SYN2: variants seen among roughly 807,000 people sequenced by gnomAD.
SYN2 encodes the protein synapsin-2.
SYN2 carries 19 observed loss-of-function variants against 50.9 expected under a neutral mutation model. The observed-to-expected ratio is 0.37, with a 90% CI of 0.26 to 0.55. The LOEUF is 0.55. SYN2 is among the 20% of genes least tolerant of loss of function. SYN2 has a pLI of 0.81. For synonymous variants in SYN2, 255 were observed against 224.9 expected, an observed-to-expected ratio of 1.13 and a Z score of -1.20; for missense variants, 587 against 576.4, an observed-to-expected ratio of 1.02 and a Z score of -0.19.
At chr3:12,131,367 G>A (rs1696793761) in intron 1 of SYN2, among the ~76,000 whole-genome samples, 1 of 152,206 alleles carries the variant, frequency 6.6e-6, no homozygotes, top group African/African-American at 2.4e-5. Flanking sequence ...ATTCGTGACC[G>A]TACAGTGGAG....
intron 7 of SYN2, among the ~76,000 whole-genome samples, chr3:12,164,686 C>T (rs749659833): frequency 1.3e-5 from 2 of 152,148 alleles, no homozygotes; most frequent in Non-Finnish European, 2.9e-5. Flanking sequence ...AGAGAATGGC[C>T]TCTCAGTGTC....
At chr3:12,108,389 T>C (rs1452534383) in intron 1 of SYN2, among the ~76,000 whole-genome samples, 1 of 152,152 alleles carries the variant, frequency 6.6e-6, no homozygotes, top group African/African-American at 2.4e-5. Context: ...TCTGTGCTTT[T>C]CTCACTATAA....
chr3:12,118,509 C>A (rs1366247633), intron 1 of SYN2, among the ~76,000 whole-genome samples: 1 of 152,078 alleles, frequency 6.6e-6, no homozygotes, highest in East Asian at 1.9e-4. Context: ...CTGAAAGTAC[C>A]CTGTTTTGTG....
At chr3:12,065,081 G>A (rs1394444574) in intron 1 of SYN2, among the ~76,000 whole-genome samples, 1 of 152,102 alleles carries the variant, frequency 6.6e-6, no homozygotes, top group Non-Finnish European at 1.5e-5. Flanking sequence ...GATGCACCTT[G>A]GAAACGTTAT....
At chr3:12,021,826 A>G (rs1347980565) in intron 1 of SYN2, among the ~76,000 whole-genome samples, 1 of 152,052 alleles carries the variant, frequency 6.6e-6, no homozygotes, top group Non-Finnish European at 1.5e-5. Context: ...GCACTTTGGG[A>G]GGCCGAGGTG....
At chr3:12,053,353 G>A (rs944434373) in intron 1 of SYN2, among the ~76,000 whole-genome samples, 1 of 151,262 alleles carries the variant, frequency 6.6e-6, no homozygotes, top group East Asian at 1.9e-4. Flanking sequence ...CCTGGGAGGC[G>A]GAGGTTGCAG....
intron 1 of SYN2, among the ~76,000 whole-genome samples, chr3:12,106,677 T>C (rs1052879618): frequency 1.3e-5 from 2 of 152,174 alleles, no homozygotes; most frequent in Non-Finnish European, 2.9e-5. Context: ...GTATGTATCA[T>C]TGATAGTATG....
intron 1 of SYN2, among the ~76,000 whole-genome samples, chr3:12,091,748 C>T (rs896683402): frequency 1.3e-5 from 2 of 152,132 alleles, no homozygotes; most frequent in African/African-American, 2.4e-5. Flanking sequence ...AGTGGTCTAC[C>T]CCCTGTATTT....
intron 10 of SYN2, among the ~76,000 whole-genome samples, chr3:12,178,058 C>T (rs1486616298): frequency 6.6e-6 from 1 of 152,208 alleles, no homozygotes; most frequent in African/African-American, 2.4e-5. Context: ...TCAAAACATG[C>T]GGTCCCCTTT....
In SYN2 at chr3:12,182,932, G is replaced by T. The variant is rs548460515; in HGVS notation, c.1309-380G>T. On this transcript the variant is annotated intron_variant, in intron 10 of 12. Transcript: ENST00000621198. ...GCCCTCCCTTTCCTTTAGACAGCCA[G>T]GCCTGTACGTAGAAGTGGGAGCTGG... Among the ~76,000 whole-genome samples, 3 of 152,374 alleles carry T rather than the reference G, an allele frequency of 2.0e-5. No homozygotes were observed. In the South Asian group the frequency reaches 6.2e-4, roughly 32 times the overall value.
intron 4 of SYN2, among the ~76,000 whole-genome samples, chr3:12,148,937 A>G (rs915639198): frequency 1.3e-5 from 2 of 152,198 alleles, no homozygotes; most frequent in African/African-American, 4.8e-5. Context: ...AGCCCTTATC[A>G]GATGTTACAT....
chr3:12,135,126 G>A (rs1390482377), intron 1 of SYN2, among the ~76,000 whole-genome samples: 1 of 152,216 alleles, frequency 6.6e-6, no homozygotes, highest in Non-Finnish European at 1.5e-5. Context: ...TAAGCAGCTG[G>A]AGGGATACCC....
intron 10 of SYN2, among the ~76,000 whole-genome samples, 185 bp from the exon 11 acceptor site, chr3:12,183,127 A>G (rs1309061020): frequency 6.6e-6 from 1 of 152,172 alleles, no homozygotes; most frequent in African/African-American, 2.4e-5. Context: ...TGCCCCAACA[A>G]CACCCGAGGC....
At chr3:12,141,279 G>A (rs1041375753) in intron 2 of SYN2, among the ~76,000 whole-genome samples, 2 of 151,494 alleles carry the variant, frequency 1.3e-5, no homozygotes, top group African/African-American at 4.9e-5. Flanking sequence ...AGAGGAGGAC[G>A]TTCAGTTTCA....
chr3:12,141,950 T>A lies in SYN2; in HGVS notation c.481T>A (p.Tyr161Asn), dbSNP rs1380310922. 1.3e-6 allele frequency: 1 copy of A among 780,868 alleles called. No individual in the cohort carries two copies. Among genetic ancestry groups the A allele is most frequent in the East Asian group, 2.4e-5 (1 of 41,254 alleles). 48.4% of individuals were successfully genotyped at this position (780,868 alleles called of 1,614,324 possible). A position where few individuals can be genotyped will look rare whatever the true frequency, so the allele number is the denominator to read the frequency against. The change falls in exon 3 of 13, where the codon TAT (tyrosine) becomes AAT (asparagine). Residue 161 changes from tyrosine to asparagine, a missense_variant. Transcript: ENST00000621198. The part of the protein sequence containing the change: ...LNLVAHADGT[Y>N]AVDMQVLRNG... ...CCTGGTGGCCCATGCAGATGGCACCTATGCTGTGGATATGCAGGTTCTCCG... is the reference window on the plus strand; with the variant it reads ...CCTGGTGGCCCATGCAGATGGCACCAATGCTGTGGATATGCAGGTTCTCCG...
At chr3:12,071,114 T>G (rs1695343323) in intron 1 of SYN2, 1 of 560,924 alleles carries the variant, frequency 1.8e-6, no homozygotes, top group African/African-American at 1.9e-5. Context: ...TGCAAAGACC[T>G]ACATGCCAAC....
rs370636634 is a variant in SYN2 at position 12,190,547 on chromosome 3, T to A, written c.1671T>A (p.Ser557=). ...TCTCTGAGTCCTCCTTCTTCCGGTCTTCAGCCAATGAGGATGAAGCCAAAG... is the reference window on the plus strand; with the variant it reads ...TCTCTGAGTCCTCCTTCTTCCGGTCATCAGCCAATGAGGATGAAGCCAAAG... ...FSFSESSFFR[S]SANEDEAKAE... The change falls in exon 13 of 13, where the codon TCT becomes TCA. Residue 557 remains serine, a synonymous_variant. Coordinates refer to ENST00000621198, the MANE Select transcript of SYN2 (RefSeq NM_133625.6). The A allele has an allele frequency of 1.4e-5, 23 of 1,613,494 alleles. No homozygotes were observed. The highest frequency in any genetic ancestry group is 1.6e-4 in the Middle Eastern group (1 of 6,084).
rs201281204 is a variant in SYN2 at position 12,123,834 on chromosome 3, C to A, written c.378-16817C>A. The stretch of plus-strand genomic sequence containing the variant: ...GACCAGCCTGGGCAACATGGCAAAA[C>A]CCCGTCTCTACAAAAAATACAAAAA... On this transcript the variant is annotated intron_variant, in intron 1 of 12. Transcript: ENST00000621198. 4.6e-5 allele frequency among the ~76,000 whole-genome samples: 7 copies of A among 152,086 alleles called. No homozygotes were observed. In the East Asian group the frequency reaches 1.4e-3, roughly 29 times the overall value.
chr3:12,153,408 T>C (rs977711159), intron 5 of SYN2: 3 of 1,316,124 alleles, frequency 2.3e-6, no homozygotes, highest in Non-Finnish European at 3.3e-6. Flanking sequence ...GCACTTCTTA[T>C]TAGCTGGCAG....
Sources: allele counts gnomAD v4.1 joint callset (sites outside exome capture counted in the v4.1 genomes callset), GRCh38; gene constraint gnomAD v4.1.1; transcripts MANE v1.5; gene names NCBI Gene and HGNC (gene_info 2026-07-23, HGNC 2026-07-21).